Variants in GPR39 observed in about 807,000 individuals in gnomAD.
The protein encoded by GPR39 is G protein-coupled receptor 39, also known as zinc sensing receptor.
A neutral mutation model predicts 18.4 loss-of-function variants in GPR39; 23 were observed. The observed-to-expected ratio is 1.25, with a 90% CI of 0.90 to 1.77. The LOEUF (loss-of-function observed/expected upper bound fraction) is 1.77. Among genes scored for constraint, GPR39 ranks in the 40% most tolerant of loss-of-function variants. The pLI is 0.00. For missense variants in GPR39, 647 were observed against 602.4 expected (o/e 1.07, Z -0.78); for synonymous variants, 280 against 257.9 (o/e 1.09, Z -0.82).
rs866300873 is a variant in GPR39 at position 132,525,781 on chromosome 2, C to T, written c.856+107883C>T. ...CAAGGCCAGTTATAGGCAAAGGTCA[C>T]GTGTGTGACAAGGAAGACATGTCCC... On this transcript the variant is annotated intron_variant, in intron 1 of 1. Coordinates refer to ENST00000329321, the MANE Select transcript of GPR39 (RefSeq NM_001508.3). Among the ~76,000 whole-genome samples, 18 of 152,268 alleles carry T rather than the reference C, an allele frequency of 1.2e-4. 2 individuals carry two copies. The highest frequency in any genetic ancestry group is 5.9e-4 in the Admixed American group (9 of 15,304).
At chr2:132,423,907 T>G (rs942247435) in intron 1 of GPR39, among the ~76,000 whole-genome samples, 2 of 152,200 alleles carry the variant, frequency 1.3e-5, no homozygotes, top group African/African-American at 4.8e-5. Context: ...TGAATGAGCC[T>G]CAGCTTGGAA....
chr2:132,624,996 T>C (rs1156797151), intron 1 of GPR39, among the ~76,000 whole-genome samples: 1 of 152,182 alleles, frequency 6.6e-6, no homozygotes, highest in East Asian at 1.9e-4. Context: ...TACTAGAGAC[T>C]GTCAAACACT....
At chr2:132,565,086 T>TG (rs1680325137) in intron 1 of GPR39, among the ~76,000 whole-genome samples, 1 of 152,134 alleles carries the variant, frequency 6.6e-6, no homozygotes, top group African/African-American at 2.4e-5. Context: ...CCCAAAGTGC[T>TG]GGGATTACAG....
intron 1 of GPR39, among the ~76,000 whole-genome samples, chr2:132,586,209 C>T (rs1206923112): frequency 6.6e-6 from 1 of 151,846 alleles, no homozygotes; most frequent in African/African-American, 2.4e-5. Context: ...AGGCGGGTGG[C>T]GGGGAGAGGG....
intron 1 of GPR39, among the ~76,000 whole-genome samples, chr2:132,481,192 A>T (rs1182524551): frequency 6.6e-6 from 1 of 152,108 alleles, no homozygotes; most frequent in African/African-American, 2.4e-5. Flanking sequence ...TTATTTCTTT[A>T]CTTTAGGCAT....
intron 1 of GPR39, among the ~76,000 whole-genome samples, chr2:132,598,153 G>A (rs1007525678): frequency 1.3e-5 from 2 of 152,230 alleles, no homozygotes; most frequent in Non-Finnish European, 2.9e-5. Flanking sequence ...TAAGTTGGTG[G>A]CAGCTCCTTC....
intron 1 of GPR39, among the ~76,000 whole-genome samples, chr2:132,448,362 A>G (rs1680575140): frequency 6.6e-6 from 1 of 152,222 alleles, no homozygotes; most frequent in Non-Finnish European, 1.5e-5. Context: ...CTAGAAAACA[A>G]AACACAAAAG....
intron 1 of GPR39, among the ~76,000 whole-genome samples, chr2:132,617,990 TC>T (rs1450992916): frequency 3.3e-5 from 5 of 152,192 alleles, no homozygotes; most frequent in East Asian, 3.9e-4. Context: ...CTCCCTTTAC[TC>T]CCCTTACTGT....
At chr2:132,574,060 A>G (rs1023949016) in intron 1 of GPR39, among the ~76,000 whole-genome samples, 8 of 152,214 alleles carry the variant, frequency 5.3e-5, no homozygotes, top group Non-Finnish European at 1.2e-4. Context: ...TTGTAAACCA[A>G]TGCCATTTTT....
intron 1 of GPR39, among the ~76,000 whole-genome samples, chr2:132,500,117 A>G (rs528255722): frequency 6.6e-6 from 1 of 152,254 alleles, no homozygotes; most frequent in Non-Finnish European, 1.5e-5. Context: ...TTCCAGTACT[A>G]TGCTGAGTAG....
At chr2:132,603,926 G>A (rs563504608) in intron 1 of GPR39, among the ~76,000 whole-genome samples, 2 of 152,238 alleles carry the variant, frequency 1.3e-5, no homozygotes, top group East Asian at 3.9e-4. Context: ...GCAGGGTGTG[G>A]GGAGTGGGAG....
At chr2:132,521,907 A>C (rs558170442) in intron 1 of GPR39, among the ~76,000 whole-genome samples, 2 of 151,922 alleles carry the variant, frequency 1.3e-5, no homozygotes, top group South Asian at 4.2e-4. Context: ...TCTTCCCCCA[A>C]CCCCTCCAAT....
chr2:132,564,762 C>A (rs1329183982), intron 1 of GPR39, among the ~76,000 whole-genome samples: 1 of 149,128 alleles, frequency 6.7e-6, no homozygotes, highest in Non-Finnish European at 1.5e-5. Context: ...GATTTCTCAA[C>A]ACATTGGAAT....
chr2:132,492,623 C>CAATATATATACACACCATATATATAT (rs1681504599), intron 1 of GPR39, among the ~76,000 whole-genome samples: 2 of 68,590 alleles, frequency 2.9e-5, no homozygotes, highest in Admixed American at 1.6e-4. Flanking sequence ...TCTATATATA[C>CAATATATATACACACCATATATATAT]AATATATATA....
chr2:132,553,401 C>T lies in GPR39; in HGVS notation c.857-91700C>T, dbSNP rs141191310. 3.5e-3 allele frequency among the ~76,000 whole-genome samples: 502 copies of T among 144,768 alleles called. 3 individuals carry two copies. Among genetic ancestry groups the T allele is most frequent in the African/African-American group, 0.013 (474 of 37,606 alleles). The allele number at this position is 144,768 out of a possible 152,430, so 95.0% of individuals were successfully genotyped here. A position where few individuals can be genotyped will look rare whatever the true frequency, so the allele number is the denominator to read the frequency against. On this transcript the variant is annotated intron_variant, in intron 1 of 1. Coordinates refer to ENST00000329321, the MANE Select transcript of GPR39 (RefSeq NM_001508.3). ...TGTGTATATATATAGTGTATATATA[C>T]GTATATATATGTACACACACAAATA... is the stretch of plus-strand genomic sequence containing the variant.
intron 1 of GPR39, among the ~76,000 whole-genome samples, chr2:132,611,146 G>A (rs989610145): frequency 6.6e-6 from 1 of 152,238 alleles, no homozygotes; most frequent in South Asian, 2.1e-4. Context: ...CGGACATAGT[G>A]TTCCCTTTTT....
At chr2:132,529,682 A>AT (rs1245178680) in intron 1 of GPR39, among the ~76,000 whole-genome samples, 2 of 152,348 alleles carry the variant, frequency 1.3e-5, no homozygotes, top group East Asian at 3.9e-4. Flanking sequence ...AGGCAGCAGC[A>AT]TTTGCGGTTC....
At chr2:132,631,809 TTTCTTC>T (rs933296338) in intron 1 of GPR39, among the ~76,000 whole-genome samples, 2 of 151,554 alleles carry the variant, frequency 1.3e-5, no homozygotes, top group African/African-American at 4.9e-5. Context: ...AAATGAAGTT[TTTCTTC>T]TTCTTCTTCT....
intron 1 of GPR39, among the ~76,000 whole-genome samples, chr2:132,589,554 T>C (rs1680792219): frequency 6.6e-6 from 1 of 152,204 alleles, no homozygotes; most frequent in Admixed American, 6.5e-5. Context: ...AGAGCCGAGA[T>C]CTCCTGCATA....
Sources: gnomAD v4.1 joint callset for allele counts (sites outside exome capture counted in the v4.1 genomes callset) on GRCh38, gnomAD v4.1.1 for gene constraint, MANE v1.5 for transcripts, NCBI Gene and HGNC (gene_info 2026-07-23, HGNC 2026-07-21) for gene names.